The following AGBL4 variants were observed in gnomAD, a reference collection of about 807,000 sequenced individuals.
AGBL4 encodes the protein cytosolic carboxypeptidase 6.
A neutral mutation model predicts 66.4 loss-of-function variants in AGBL4; 58 were observed. The observed-to-expected ratio is 0.87, with a 90% CI of 0.71 to 1.09. The LOEUF (loss-of-function observed/expected upper bound fraction) is 1.09, where lower values mean the gene tolerates loss of function less well. Among genes scored for constraint, AGBL4 ranks in the 50% least tolerant of loss-of-function variants. The pLI is 0.00. For missense variants in AGBL4, 579 were observed against 631.0 expected (o/e 0.92, Z 0.88); for synonymous variants, 234 against 222.9 (o/e 1.05, Z -0.44).
intron 4 of AGBL4, among the ~76,000 whole-genome samples, chr1:49,131,765 A>C (rs572588739): frequency 2.0e-5 from 3 of 152,164 alleles, no homozygotes; most frequent in Non-Finnish European, 4.4e-5. Context: ...GAGCAGAACA[A>C]GAATAATGTT....
At chr1:48,686,472 A>G (rs769810630) in intron 6 of AGBL4, among the ~76,000 whole-genome samples, 1 of 152,232 alleles carries the variant, frequency 6.6e-6, no homozygotes, top group Non-Finnish European at 1.5e-5. Flanking sequence ...TACCCATTAT[A>G]TCGTTCAGCA....
At chr1:49,809,455 GGAACTATTATAGCA>G (rs1645051020) in intron 2 of AGBL4, among the ~76,000 whole-genome samples, 1 of 151,930 alleles carries the variant, frequency 6.6e-6, no homozygotes, top group Admixed American at 6.6e-5. Flanking sequence ...AAGAGTTGGT[GGAACTATTATAGCA>G]GAACTATGAA....
intron 4 of AGBL4, among the ~76,000 whole-genome samples, chr1:49,169,573 C>T (rs1193718833): frequency 6.6e-6 from 1 of 152,108 alleles, no homozygotes; most frequent in Non-Finnish European, 1.5e-5. Flanking sequence ...GTTTTGCAAC[C>T]ACCACCTCTA....
At chr1:49,245,984 A>G in intron 3 of AGBL4, 120 bp from the exon 4 acceptor site, 1 of 688,614 alleles carries the variant, frequency 1.5e-6, no homozygotes, top group Non-Finnish European at 2.5e-6. Flanking sequence ...AGGCAACTGT[A>G]TAGTGAGAGT....
chr1:49,621,475 C>T (rs1645359052), intron 3 of AGBL4, among the ~76,000 whole-genome samples: 1 of 152,220 alleles, frequency 6.6e-6, no homozygotes, highest in Non-Finnish European at 1.5e-5. Context: ...GGAAGAGGAA[C>T]AGGCTATGAC....
At chr1:49,836,812 G>C (rs1421658276) in intron 2 of AGBL4, among the ~76,000 whole-genome samples, 1 of 152,184 alleles carries the variant, frequency 6.6e-6, no homozygotes, top group Non-Finnish European at 1.5e-5. Flanking sequence ...CTGTTTGTTA[G>C]TTTTCCTTTT....
chr1:49,928,270 G>C (rs1232827602), intron 1 of AGBL4, among the ~76,000 whole-genome samples: 1 of 151,166 alleles, frequency 6.6e-6, no homozygotes, highest in Non-Finnish European at 1.5e-5. Flanking sequence ...TTTATTTTTT[G>C]AGACGGAGTC....
At chr1:49,968,835 G>A (rs1313904413) in intron 1 of AGBL4, among the ~76,000 whole-genome samples, 1 of 152,186 alleles carries the variant, frequency 6.6e-6, no homozygotes, top group African/African-American at 2.4e-5. Flanking sequence ...AAGAAAAAAG[G>A]AGCCTTAGTC....
At chr1:48,536,088 G>A (rs142717884) in intron 12 of AGBL4, among the ~76,000 whole-genome samples, 52 of 152,244 alleles carry the variant, frequency 3.4e-4, no homozygotes, top group African/African-American at 1.3e-3. Flanking sequence ...GAGCTCAGCA[G>A]AGAGGAAGCA....
intron 1 of AGBL4, among the ~76,000 whole-genome samples, chr1:50,015,540 C>A (rs1382581194): frequency 6.6e-6 from 1 of 152,080 alleles, no homozygotes; most frequent in Non-Finnish European, 1.5e-5. Context: ...GCCTGTAGTT[C>A]CAGCCAGTTG....
At chr1:49,679,115 AC>A (rs1646639090) in intron 3 of AGBL4, among the ~76,000 whole-genome samples, 1 of 152,130 alleles carries the variant, frequency 6.6e-6, no homozygotes. Context: ...TAGATGTGTT[AC>A]CAGTTGTTGA....
intron 3 of AGBL4, among the ~76,000 whole-genome samples, chr1:49,262,051 C>T (rs1414200498): frequency 5.3e-5 from 8 of 151,804 alleles, no homozygotes; most frequent in African/African-American, 1.7e-4. Context: ...GAAAAACAAG[C>T]AATGGGGAAA....
At chr1:48,785,808 C>T (rs1227428743) in intron 6 of AGBL4, among the ~76,000 whole-genome samples, 1 of 152,168 alleles carries the variant, frequency 6.6e-6, no homozygotes, top group Non-Finnish European at 1.5e-5. Flanking sequence ...AAGTCACTGA[C>T]TCTCTAACCC....
At chr1:48,968,060 A>G (rs572577762) in intron 5 of AGBL4, among the ~76,000 whole-genome samples, 89 of 151,598 alleles carry the variant, frequency 5.9e-4, no homozygotes, top group South Asian at 1.5e-3. Flanking sequence ...ATGAAGAGAG[A>G]GTAAAATGTG....
chr1:49,157,544 G>A (rs1053570908), intron 4 of AGBL4, among the ~76,000 whole-genome samples: 3 of 152,100 alleles, frequency 2.0e-5, no homozygotes, highest in African/African-American at 4.8e-5. Flanking sequence ...ATAAACATAC[G>A]AGTGCATGTG....
chr1:48,810,564 A>G (rs909700497), intron 6 of AGBL4, among the ~76,000 whole-genome samples: 3 of 152,220 alleles, frequency 2.0e-5, no homozygotes, highest in African/African-American at 7.2e-5. Context: ...TTCGTGTGTA[A>G]AAAGGAGCTG....
intron 11 of AGBL4, among the ~76,000 whole-genome samples, chr1:48,543,062 G>A (rs749218572): frequency 3.3e-5 from 5 of 152,152 alleles, no homozygotes; most frequent in Non-Finnish European, 5.9e-5. Flanking sequence ...GATTGAAAGT[G>A]AGTACCCTGG....
At chr1:48,641,789 C>T (rs1645759084) in intron 8 of AGBL4, among the ~76,000 whole-genome samples, 1 of 152,138 alleles carries the variant, frequency 6.6e-6, no homozygotes, top group South Asian at 2.1e-4. Flanking sequence ...GTCTGCCCAA[C>T]TCTAAAGCCT....
intron 3 of AGBL4, among the ~76,000 whole-genome samples, chr1:49,433,801 T>C (rs1176802460): frequency 6.6e-6 from 1 of 152,170 alleles, no homozygotes; most frequent in Non-Finnish European, 1.5e-5. Context: ...ATATTTGTCA[T>C]GAGGATTGGG....
Sources: gnomAD v4.1 joint callset for allele counts (sites outside exome capture counted in the v4.1 genomes callset) on GRCh38, gnomAD v4.1.1 for gene constraint, MANE v1.5 for transcripts, NCBI Gene and HGNC (gene_info 2026-07-23, HGNC 2026-07-21) for gene names.